RFTN2: variants seen among roughly 807,000 people sequenced by gnomAD.
RFTN2 encodes raftlin family member 2.
RFTN2 carries 34 observed loss-of-function variants against 52.7 expected under a neutral mutation model. The observed-to-expected ratio is 0.64, with a 90% CI of 0.49 to 0.86. The LOEUF is 0.86. Among genes scored for constraint, RFTN2 ranks in the 40% least tolerant of loss-of-function variants. The pLI is 0.00. For synonymous variants in RFTN2, 203 were observed against 217.7 expected (o/e 0.93, Z 0.59); for missense variants, 536 against 600.1 (o/e 0.89, Z 1.12).
At chr2:197,670,430 T>C (rs1269217136) in intron 1 of RFTN2, among the ~76,000 whole-genome samples, 6 of 152,196 alleles carry the variant, frequency 3.9e-5, no homozygotes, top group Non-Finnish European at 7.3e-5. Flanking sequence ...TGCCAAACAA[T>C]TTTTTCCCTC....
intron 3 of RFTN2, among the ~76,000 whole-genome samples, chr2:197,634,594 G>A (rs1376312291): frequency 6.6e-6 from 1 of 151,980 alleles, no homozygotes. Context: ...AAACACATAG[G>A]ATTAGATTAA....
chr2:197,641,300 A>G (rs989090795), intron 3 of RFTN2, among the ~76,000 whole-genome samples: 5 of 152,168 alleles, frequency 3.3e-5, no homozygotes, highest in African/African-American at 1.2e-4. Context: ...GAGCTAGGAC[A>G]AGGGACTGGA....
At chr2:197,608,151 G>C (rs984138142) in intron 7 of RFTN2, among the ~76,000 whole-genome samples, 9 of 152,102 alleles carry the variant, frequency 5.9e-5, no homozygotes. Flanking sequence ...ATTGAGATTG[G>C]GACTCCACAG....
At position 197,572,123 on chromosome 2, in the gene RFTN2, C is replaced by G. The variant is rs770807318; in HGVS notation, c.1391G>C (p.Arg464Thr). 1 of 1,614,258 alleles carries G rather than the reference C, an allele frequency of 6.2e-7. No homozygotes were observed. Among genetic ancestry groups the G allele is most frequent in the South Asian group, 1.1e-5 (1 of 91,086 alleles). The change falls in exon 9 of 9, where the codon AGG (arginine) becomes ACG (threonine). Residue 464 changes from arginine to threonine, a missense_variant. Arg to Thr is a moderately conservative substitution (Grantham distance 71). Coordinates refer to ENST00000295049, the MANE Select transcript of RFTN2 (RefSeq NM_144629.3). ...PSRECWTKEG[R>T]LAQHNSFSGF... Reference sequence around the variant, plus strand: ...AGAGAAGCTGTTGTGCTGTGCCAGCCTTCCCTCCTTTGTCCAGCATTCCCG... The same window carrying G: ...AGAGAAGCTGTTGTGCTGTGCCAGCGTTCCCTCCTTTGTCCAGCATTCCCG...
rs1370440029 is a variant in RFTN2 at position 197,570,138 on chromosome 2, C to T, written c.*1870G>A. The T allele has an allele frequency of 1.3e-5, 2 of 152,038 alleles. No individual in the cohort carries two copies. Among genetic ancestry groups the T allele is most frequent in the East Asian group, 1.9e-4 (1 of 5,174 alleles). The allele number at this position is 152,038 out of a possible 1,614,324, so 9.4% of individuals were successfully genotyped here. ...TTCTTTGTGCTTCCTAACTTCATTACGTTTTATGGACTCCTGAAGCAGTGA... is the reference window on the plus strand; with the variant it reads ...TTCTTTGTGCTTCCTAACTTCATTATGTTTTATGGACTCCTGAAGCAGTGA... On this transcript the variant is annotated 3_prime_UTR_variant, in exon 9 of 9. Transcript: ENST00000295049.
intron 7 of RFTN2, among the ~76,000 whole-genome samples, chr2:197,605,430 T>C (rs994676507): frequency 6.6e-6 from 1 of 152,106 alleles, no homozygotes; most frequent in African/African-American, 2.4e-5. Flanking sequence ...TTAGCCAGGA[T>C]GATCTCGATC....
intron 5 of RFTN2, among the ~76,000 whole-genome samples, chr2:197,618,961 G>C (rs2088202999): frequency 6.6e-6 from 1 of 151,654 alleles, no homozygotes; most frequent in South Asian, 2.1e-4. Flanking sequence ...AGGTGGGGGG[G>C]TCAGCCCCCC....
In RFTN2 at chr2:197,600,552, C is replaced by T. The variant is rs75569346; in HGVS notation, c.1155-4483G>A. 3.7e-4 allele frequency among the ~76,000 whole-genome samples: 57 copies of T among 152,096 alleles called. No homozygotes were observed. The East Asian group carries it at 7.9e-3, about 21-fold the overall frequency. On this transcript the variant is annotated intron_variant, in intron 7 of 8. Transcript: ENST00000295049. ...AGAGGTCTGAAGCCTTATAGAGGGA[C>T]GCCTATTTGGTAAAGCAAGTAAGTC... is the stretch of plus-strand genomic sequence containing the variant.
intron 3 of RFTN2, among the ~76,000 whole-genome samples, chr2:197,640,707 C>T (rs535653046): frequency 1.7e-4 from 26 of 150,918 alleles, no homozygotes; most frequent in Middle Eastern, 3.5e-3. Context: ...GCGTCGCTCA[C>T]GCCGGGAGCT....
intron 5 of RFTN2, among the ~76,000 whole-genome samples, chr2:197,620,558 T>G (rs1319855658): frequency 6.6e-6 from 1 of 152,256 alleles, no homozygotes; most frequent in Non-Finnish European, 1.5e-5. Context: ...TCTGTTTTAA[T>G]TTTCATTATC....
chr2:197,653,198 C>T (rs1283802159), intron 1 of RFTN2, among the ~76,000 whole-genome samples: 1 of 152,182 alleles, frequency 6.6e-6, no homozygotes, highest in African/African-American at 2.4e-5. Context: ...TATTGCCTAG[C>T]AGACAGATGT....
chr2:197,630,932 G>T, intron 5 of RFTN2, 79 bp downstream of exon 5: 1 of 919,008 alleles, frequency 1.1e-6, no homozygotes, highest in Non-Finnish European at 1.8e-6. Context: ...CATAGAACTT[G>T]AGAGGTAAAA....
chr2:197,588,016 C>G, intron 8 of RFTN2: 1 of 470,010 alleles, frequency 2.1e-6, no homozygotes, highest in Non-Finnish European at 4.4e-6. Context: ...ACTGTCTTAC[C>G]CACATCTGCA....
intron 7 of RFTN2, among the ~76,000 whole-genome samples, chr2:197,614,053 C>CT (rs2088103702): frequency 6.6e-6 from 1 of 152,104 alleles, no homozygotes; most frequent in Non-Finnish European, 1.5e-5. Context: ...AACCTATAGA[C>CT]TAAGACACCT....
At chr2:197,649,786 T>C (rs1169065222) in intron 1 of RFTN2, among the ~76,000 whole-genome samples, 1 of 152,134 alleles carries the variant, frequency 6.6e-6, no homozygotes, top group African/African-American at 2.4e-5. Context: ...TCATCCCAGA[T>C]AGTGAAGAAC....
chr2:197,647,060 G>A (rs2088763677), intron 1 of RFTN2, among the ~76,000 whole-genome samples: 2 of 152,056 alleles, frequency 1.3e-5, no homozygotes, highest in Middle Eastern at 3.2e-3. Context: ...GAAATACAAT[G>A]TCTTATGAGT....
chr2:197,662,368 A>G (rs964801978), intron 1 of RFTN2, among the ~76,000 whole-genome samples: 2 of 152,188 alleles, frequency 1.3e-5, no homozygotes, highest in African/African-American at 4.8e-5. Context: ...CATTTATTGA[A>G]GAGGGTGTCC....
intron 1 of RFTN2, among the ~76,000 whole-genome samples, chr2:197,654,585 C>T (rs2088867534): frequency 6.6e-6 from 1 of 152,164 alleles, no homozygotes; most frequent in African/African-American, 2.4e-5. Context: ...TGTCCAGTGC[C>T]TTTTGGTGGA....
intron 8 of RFTN2, among the ~76,000 whole-genome samples, chr2:197,590,640 G>A (rs983183892): frequency 2.4e-4 from 36 of 152,294 alleles, no homozygotes; most frequent in African/African-American, 5.8e-4. Flanking sequence ...CGGCGTGTCC[G>A]GAGTTTGCTC....
Sources: allele counts gnomAD v4.1 joint callset (sites outside exome capture counted in the v4.1 genomes callset), GRCh38; gene constraint gnomAD v4.1.1; transcripts MANE v1.5; gene names NCBI Gene and HGNC (gene_info 2026-07-23, HGNC 2026-07-21).